SELENBP1: variants seen among roughly 807,000 people sequenced by gnomAD.
The protein encoded by SELENBP1 is selenium binding protein 1.
Under a neutral mutation model 61.0 loss-of-function variants are expected in SELENBP1, and 71 were observed. That is an observed-to-expected ratio of 1.16 (90% CI 0.96 to 1.42). The LOEUF (loss-of-function observed/expected upper bound fraction) is 1.42. Ranked by LOEUF, SELENBP1 falls within the 40% of genes most tolerant of loss-of-function variation. The pLI is 0.00. For missense variants in SELENBP1, 561 were observed against 605.0 expected, an observed-to-expected ratio of 0.93 and a Z score of 0.76; for synonymous variants, 270 against 238.9, an observed-to-expected ratio of 1.13 and a Z score of -1.20.
chr1:151,369,659 C>T (rs1417606137), intron 2 of SELENBP1, 54 bp downstream of exon 2: 2 of 1,544,834 alleles, frequency 1.3e-6, no homozygotes, highest in African/African-American at 2.7e-5. Flanking sequence ...GTCCCTCCAC[C>T]CCCAGCTGTG....
chr1:151,367,048 C>G (rs568812571), intron 5 of SELENBP1, 144 bp from the exon 6 acceptor site: 10 of 1,452,610 alleles, frequency 6.9e-6, no homozygotes, highest in Non-Finnish European at 9.0e-6. Flanking sequence ...TCCTTAAATT[C>G]AGGCATCCAG....
chr1:151,371,305 G>A (rs1372340918), intron 1 of SELENBP1, among the ~76,000 whole-genome samples: 4 of 152,074 alleles, frequency 2.6e-5, no homozygotes, highest in Admixed American at 2.6e-4. Context: ...CTACTTGGGA[G>A]GCTGAGGCAG....
chr1:151,364,736 G>T (rs1465259368), intron 11 of SELENBP1, 31 bp from the exon 12 acceptor site: 1 of 1,545,454 alleles, frequency 6.5e-7, no homozygotes, highest in African/African-American at 1.4e-5. Flanking sequence ...GTAAGGGAGA[G>T]GTCAGAGGTG....
intron 4 of SELENBP1, 78 bp downstream of exon 4, chr1:151,368,924 GGT>G: frequency 6.9e-7 from 1 of 1,447,320 alleles, no homozygotes; most frequent in Non-Finnish European, 9.5e-7. Flanking sequence ...TGCTGGTTTA[GGT>G]CTGGCTTCCT....
chr1:151,368,351 T>TAAAGGA, intron 4 of SELENBP1, 32 bp from the exon 5 acceptor site: 1 of 1,611,570 alleles, frequency 6.2e-7, no homozygotes, highest in Non-Finnish European at 8.5e-7. Context: ...GTCAGAATCA[T>TAAAGGA]ACAGGACTGG....
chr1:151,364,783 C>A, intron 11 of SELENBP1, 78 bp from the exon 12 acceptor site: 1 of 1,521,612 alleles, frequency 6.6e-7, no homozygotes. Context: ...GGGAAAGCTC[C>A]TGAGGAAGGA....
chr1:151,367,355 A>AAAAAAAGAAAAAAAAAAAAAGAAAAG (rs966572769), intron 5 of SELENBP1: 2 of 49,264 alleles, frequency 4.1e-5, no homozygotes, highest in African/African-American at 8.1e-5. Flanking sequence ...AAAAAAAAAA[A>AAAAAAAGAAAAAAAAAAAAAGAAAAG]AAAAAGAGAA....
intron 5 of SELENBP1, among the ~76,000 whole-genome samples, chr1:151,367,727 G>A (rs1021540023): frequency 4.6e-5 from 7 of 152,188 alleles, no homozygotes; most frequent in African/African-American, 1.7e-4. Flanking sequence ...GGGCTCGGGT[G>A]ATCCTCCTAC....
chr1:151,367,048 C>T, intron 5 of SELENBP1, 144 bp from the exon 6 acceptor site: 1 of 1,452,616 alleles, frequency 6.9e-7, no homozygotes, highest in Non-Finnish European at 9.0e-7. Context: ...TCCTTAAATT[C>T]AGGCATCCAG....
In SELENBP1 at chr1:151,372,671, G is replaced by T; in HGVS notation, c.-30C>A. On this transcript the variant is annotated 5_prime_UTR_variant, in exon 1 of 12. Transcript: ENST00000368868. The stretch of plus-strand genomic sequence containing the variant: ...CCGACTGGTACACTTTGATCCCGGC[G>T]GGTTTGCTGTGCTGGTGTCAGAGGC... The T allele has an allele frequency of 6.2e-7, 1 of 1,614,024 alleles. No individual in the cohort carries two copies. The highest frequency in any genetic ancestry group is 8.5e-7 in the Non-Finnish European group (1 of 1,179,966).
At chr1:151,365,541 C>T (rs767929618) in intron 9 of SELENBP1, 22 bp downstream of exon 9, 2 of 1,613,774 alleles carry the variant, frequency 1.2e-6, no homozygotes, top group Non-Finnish European at 1.7e-6. Flanking sequence ...TTCCCTTCTG[C>T]TCCTCCTGCC....
In SELENBP1 at chr1:151,365,566, T is replaced by C; in HGVS notation, c.1041A>G (p.Gly347=). The change falls in exon 9 of 12, where the codon GGA becomes GGG. Residue 347 remains glycine (G), a synonymous_variant. Coordinates refer to ENST00000368868, the MANE Select transcript of SELENBP1 (RefSeq NM_003944.4). The part of the protein sequence containing the change: ...ISDPQRPRLT[G]QLFLGGSIVK... ...CTCCTCCTGCCAGGGTCTCCACCTG[T>C]CCTGTGAGGCGGGGTCTCTGTGGGT... 3.1e-6 allele frequency: 5 copies of C among 1,614,130 alleles called. No individual in the cohort carries two copies. In the African/African-American group the frequency reaches 4.0e-5, roughly 13 times the overall value.
intron 1 of SELENBP1, 86 bp from the exon 2 acceptor site, chr1:151,369,855 GGGCCACGGCAGTGCGGCT>G: frequency 6.4e-7 from 1 of 1,551,522 alleles, no homozygotes; most frequent in Non-Finnish European, 8.7e-7. Flanking sequence ...ACATCCCAGC[GGGCCACGGCAGTGCGGCT>G]GGCCTAGGTC....
In SELENBP1 at chr1:151,370,045, C is replaced by T. The variant is rs1032321813; in HGVS notation, c.5-276G>A. The T allele has an allele frequency of 2.4e-5, 34 of 1,417,276 alleles. No homozygotes were observed. The South Asian group carries it at 3.4e-4, about 14-fold the overall frequency. The allele number at this position is 1,417,276 out of a possible 1,614,324, so 87.8% of individuals were successfully genotyped here. On this transcript the variant is annotated intron_variant, in intron 1 of 11. Coordinates refer to ENST00000368868, the MANE Select transcript of SELENBP1 (RefSeq NM_003944.4). The stretch of plus-strand genomic sequence containing the variant: ...GGAGGAGGGCTGATGCAGCCGGGGT[C>T]GTGTGGTGTAGTGAATATGACACGG...
intron 1 of SELENBP1, among the ~76,000 whole-genome samples, chr1:151,371,484 G>A (rs1302407291): frequency 2.0e-5 from 3 of 151,918 alleles, no homozygotes; most frequent in Non-Finnish European, 4.4e-5. Context: ...AGAATGCCAG[G>A]GAGTGCTCGA....
intron 3 of SELENBP1, 80 bp downstream of exon 3, chr1:151,369,362 G>A: frequency 6.9e-7 from 1 of 1,454,682 alleles, no homozygotes. Flanking sequence ...AAGAAGGATG[G>A]AGCTGGGAAG....
At chr1:151,369,359 A>T in intron 3 of SELENBP1, 83 bp downstream of exon 3, 2 of 1,445,268 alleles carry the variant, frequency 1.4e-6, no homozygotes, top group Admixed American at 1.9e-5. Flanking sequence ...GCCAAGAAGG[A>T]TGGAGCTGGG....
At chr1:151,366,659 T>C in intron 6 of SELENBP1, 63 bp downstream of exon 6, 1 of 1,572,580 alleles carries the variant, frequency 6.4e-7, no homozygotes, top group Middle Eastern at 1.7e-4. Flanking sequence ...GGTGGGAGAT[T>C]TGGAGCAGAA....
At chr1:151,370,042 G>A (rs993472407) in intron 1 of SELENBP1, 2 of 1,419,154 alleles carry the variant, frequency 1.4e-6, no homozygotes, top group Non-Finnish European at 1.9e-6. Context: ...ATGCAGCCGG[G>A]GTCGTGTGGT....
Sources: gnomAD v4.1 joint callset for allele counts (sites outside exome capture counted in the v4.1 genomes callset) on GRCh38, gnomAD v4.1.1 for gene constraint, MANE v1.5 for transcripts, NCBI Gene and HGNC (gene_info 2026-07-23, HGNC 2026-07-21) for gene names.